The following RHNO1 variants were observed in gnomAD, a reference collection of about 807,000 sequenced individuals.
RHNO1 encodes the protein RAD9-HUS1-RAD1 interacting nuclear orphan 1, also known as RAD9, HUS1, RAD1-interacting nuclear orphan protein 1.
In RHNO1, 9 loss-of-function variants were observed where a neutral mutation model predicts 7.2. The observed-to-expected ratio is 1.25, with a 90% CI of 0.75 to 2.18. RHNO1 has a LOEUF of 2.18. RHNO1 is among the 30% of genes most tolerant of loss of function. The probability of loss-of-function intolerance (pLI) is 0.00; values close to 1 mark genes in which losing one functional copy is unlikely to be tolerated. For synonymous variants in RHNO1, 95 were observed against 107.5 expected (o/e 0.88, Z 0.72); for missense variants, 292 against 284.5 (o/e 1.03, Z -0.19).
rs34096285 is a variant in RHNO1 at position 2,885,388 on chromosome 12, C to T, written c.22C>T (p.Arg8Cys). 4.2e-4 allele frequency: 673 copies of T among 1,613,368 alleles called. No individual in the cohort carries two copies. Among genetic ancestry groups the T allele is most frequent in the African/African-American group, 3.9e-3 (291 of 74,914 alleles). Reference sequence around the variant, plus strand: ...GTTGATGCCTCCCAGAAAAAAACGCCGCCAGCCTTCCCAGAAAGCCCCGCT... The same window carrying T: ...GTTGATGCCTCCCAGAAAAAAACGCTGCCAGCCTTCCCAGAAAGCCCCGCT... MPPRKKRRQPSQKAPLLF... is the reference protein window; with the variant it reads MPPRKKRCQPSQKAPLLF... Residue 8 changes from arginine (R) to cysteine (C), a missense_variant, in exon 2 of 3, where the codon CGC becomes TGC. By Grantham distance (180) the Arg-to-Cys change is radical. Transcript: ENST00000489288.
intron 1 of RHNO1, among the ~76,000 whole-genome samples, chr12:2,883,123 A>G (rs1413979400): frequency 1.3e-5 from 2 of 150,536 alleles, no homozygotes; most frequent in African/African-American, 4.9e-5. Context: ...TCACACCTGT[A>G]ATTCCAGCAC....
At position 2,888,522 on chromosome 12, in the gene RHNO1, C is replaced by T; in HGVS notation, c.*63C>T. The T allele has an allele frequency of 7.0e-7, 1 of 1,429,550 alleles. No individual in the cohort carries two copies. Among genetic ancestry groups the T allele is most frequent in the Non-Finnish European group, 9.3e-7 (1 of 1,073,556 alleles). The allele number at this position is 1,429,550 out of a possible 1,614,324, so 88.6% of individuals were successfully genotyped here. A position where few individuals can be genotyped will look rare whatever the true frequency, so the allele number is the denominator to read the frequency against. ...TCTGGAGTCATAAAGGAATTCAATTCCTAGGGTTTTTGTTTTTGTTTTTGA... is the reference window on the plus strand; with the variant it reads ...TCTGGAGTCATAAAGGAATTCAATTTCTAGGGTTTTTGTTTTTGTTTTTGA... On this transcript the variant is annotated 3_prime_UTR_variant, in exon 3 of 3. Coordinates refer to ENST00000489288, the MANE Select transcript of RHNO1 (RefSeq NM_001252499.3).
Position 2,887,127 on chromosome 12 carries a change from G to A in RHNO1, c.169-784G>A, listed in dbSNP as rs1219971160. ...GGAGGCTGAGGTGGGTGGATCACTTGAGGTCAGGAGTTTGAGACCAGTCTG... is the reference window on the plus strand; with the variant it reads ...GGAGGCTGAGGTGGGTGGATCACTTAAGGTCAGGAGTTTGAGACCAGTCTG... On this transcript the variant is annotated intron_variant, in intron 2 of 2. Coordinates refer to ENST00000489288, the MANE Select transcript of RHNO1 (RefSeq NM_001252499.3). The A allele has an allele frequency of 7.9e-6, 3 of 380,448 alleles. No homozygotes were observed. In the East Asian group the frequency reaches 2.3e-4, roughly 29 times the overall value. 23.6% of individuals were successfully genotyped at this position (380,448 alleles called of 1,614,324 possible). A position where few individuals can be genotyped will look rare whatever the true frequency, so the allele number is the denominator to read the frequency against.
chr12:2,880,476 G>A (rs1179348805), intron 1 of RHNO1, among the ~76,000 whole-genome samples: 4 of 151,840 alleles, frequency 2.6e-5, no homozygotes, highest in Admixed American at 6.6e-5. Context: ...TAATTAGCTG[G>A]GCGTGGTGAG....
chr12:2,887,067 G>A, intron 2 of RHNO1: 1 of 438,890 alleles, frequency 2.3e-6, no homozygotes, highest in East Asian at 7.2e-5. Flanking sequence ...TCTAGACCAG[G>A]TGTTGTGGCT....
intron 1 of RHNO1, chr12:2,878,206 T>G (rs1463523523): frequency 2.6e-5 from 4 of 152,194 alleles, no homozygotes; most frequent in Non-Finnish European, 5.9e-5. Flanking sequence ...TGCTGTAAAT[T>G]GAAACATTAG....
intron 1 of RHNO1, among the ~76,000 whole-genome samples, chr12:2,879,475 G>T (rs2153944226): frequency 6.6e-6 from 1 of 152,000 alleles, no homozygotes; most frequent in South Asian, 2.1e-4. Flanking sequence ...TGGGACTACA[G>T]GTGCACGCAG....
chr12:2,889,058 A>G lies in RHNO1; in HGVS notation c.*599A>G, dbSNP rs940717786. ...AACCACTACTCATTAATCCTTAATC[A>G]CCTCATTCAAACTAATTCATTCTGC... On this transcript the variant is annotated 3_prime_UTR_variant, in exon 3 of 3. Transcript: ENST00000489288. 3 of 152,110 alleles carry G rather than the reference A, an allele frequency of 2.0e-5. No homozygotes were observed. Among genetic ancestry groups the G allele is most frequent in the Non-Finnish European group, 2.9e-5 (2 of 68,028 alleles). The allele number at this position is 152,110 out of a possible 1,614,324, so 9.4% of individuals were successfully genotyped here. A position where few individuals can be genotyped will look rare whatever the true frequency, so the allele number is the denominator to read the frequency against.
chr12:2,881,179 T>C (rs1427295915), intron 1 of RHNO1, among the ~76,000 whole-genome samples: 1 of 152,018 alleles, frequency 6.6e-6, no homozygotes, highest in East Asian at 1.9e-4. Context: ...CTCGGCTCAC[T>C]GCAACCTCCG....
chr12:2,878,388 C>G (rs2098151797), intron 1 of RHNO1, among the ~76,000 whole-genome samples: 1 of 150,720 alleles, frequency 6.6e-6, no homozygotes, highest in Non-Finnish European at 1.5e-5. Flanking sequence ...GGAGGAAGCA[C>G]AGTGAGTACA....
intron 1 of RHNO1, among the ~76,000 whole-genome samples, chr12:2,883,511 A>ATATATATT (rs2098161542): frequency 9.7e-4 from 26 of 26,838 alleles, no homozygotes; most frequent in African/African-American, 3.2e-3. Flanking sequence ...ATATATATAT[A>ATATATATT]TTTTTTTTTT....
At chr12:2,880,478 C>T (rs1253295844) in intron 1 of RHNO1, among the ~76,000 whole-genome samples, 2 of 151,548 alleles carry the variant, frequency 1.3e-5, no homozygotes, top group Non-Finnish European at 2.9e-5. Context: ...ATTAGCTGGG[C>T]GTGGTGAGGG....
chr12:2,888,292 C>T lies in RHNO1; in HGVS notation c.550C>T (p.Leu184Phe), dbSNP rs1382574368. The change falls in exon 3 of 3, where the codon CTT (leucine) becomes TTT (phenylalanine). Residue 184 changes from leucine to phenylalanine, a missense_variant. By Grantham distance (22) the Leu-to-Phe change is conservative. Coordinates refer to ENST00000489288, the MANE Select transcript of RHNO1 (RefSeq NM_001252499.3). The stretch of plus-strand genomic sequence containing the variant: ...GGAAAACAGCCTTCTAAGCTGCACT[C>T]TTCACACTGGCACTCCTAATAGCCC... ...QKENSLLSCT[L>F]HTGTPNSPEP... 1.9e-6 allele frequency: 3 copies of T among 1,614,126 alleles called. No homozygotes were observed. Among genetic ancestry groups the T allele is most frequent in the East Asian group, 2.2e-5 (1 of 44,872 alleles).
intron 1 of RHNO1, among the ~76,000 whole-genome samples, chr12:2,883,820 A>G (rs2098162107): frequency 6.6e-6 from 1 of 151,484 alleles, no homozygotes; most frequent in African/African-American, 2.4e-5. Flanking sequence ...CCGGCCAAAT[A>G]TATTTTCTTC....
intron 1 of RHNO1, among the ~76,000 whole-genome samples, chr12:2,884,691 G>A (rs1054995573): frequency 2.0e-5 from 3 of 151,854 alleles, no homozygotes; most frequent in Non-Finnish European, 4.4e-5. Context: ...TTTAACCTCA[G>A]CCTGACACCA....
At position 2,877,230 on chromosome 12, in the gene RHNO1, G is replaced by C. The variant is rs1453583203; in HGVS notation, c.-137G>C. On this transcript the variant is annotated 5_prime_UTR_variant, in exon 1 of 3. Transcript: ENST00000489288. ...CGCCGGCCTTGTCTCGGCATTCCGG[G>C]CTCGAAGGCTGTGCGGTCTGCCAGG... is the stretch of plus-strand genomic sequence containing the variant. 1 of 152,256 alleles carries C rather than the reference G, an allele frequency of 6.6e-6. No individual in the cohort carries two copies. Among genetic ancestry groups the C allele is most frequent in the Non-Finnish European group, 1.5e-5 (1 of 68,054 alleles). 9.4% of individuals were successfully genotyped at this position (152,256 alleles called of 1,614,324 possible). A position where few individuals can be genotyped will look rare whatever the true frequency, so the allele number is the denominator to read the frequency against.
chr12:2,883,066 CAAAA>C (rs776370244), intron 1 of RHNO1, among the ~76,000 whole-genome samples: 1 of 36,508 alleles, frequency 2.7e-5, no homozygotes, highest in Non-Finnish European at 5.3e-5. Flanking sequence ...GGCCCTGTCT[CAAAA>C]AAAAAAAAAA....
intron 2 of RHNO1, 27 bp downstream of exon 2, chr12:2,885,561 ATTTTTTTTTTTTTTTT>A (rs10558952): frequency 1.3e-4 from 50 of 399,326 alleles, no homozygotes; most frequent in African/African-American, 1.9e-4. Context: ...ACTATTTGAC[ATTTTTTTTTTTTTTTT>A]TTTTTTTTTT....
intron 1 of RHNO1, among the ~76,000 whole-genome samples, chr12:2,883,490 TATATATATATATATATA>T: frequency 5.1e-5 from 1 of 19,778 alleles, no homozygotes; most frequent in Non-Finnish European, 9.1e-5. Context: ...TATATATATA[TATATATATATATATATA>T]TATATTTTTT....
Sources: allele counts gnomAD v4.1 joint callset (sites outside exome capture counted in the v4.1 genomes callset), GRCh38; gene constraint gnomAD v4.1.1; transcripts MANE v1.5; gene names NCBI Gene and HGNC (gene_info 2026-07-23, HGNC 2026-07-21).